The following PREP variants were observed in gnomAD, a reference collection of about 807,000 sequenced individuals.
The protein encoded by PREP is prolyl endopeptidase.
A neutral mutation model predicts 87.6 loss-of-function variants in PREP; 29 were observed. The ratio of observed to expected loss-of-function variants is 0.33; its 90% CI spans 0.25 to 0.45. The LOEUF is 0.45. Ranked by LOEUF, PREP falls within the 20% of genes least tolerant of loss-of-function variation. The probability of loss-of-function intolerance (pLI) is 1.00; values close to 1 mark genes in which losing one functional copy is unlikely to be tolerated. For synonymous variants in PREP, 337 were observed against 328.6 expected, an observed-to-expected ratio of 1.03 and a Z score of -0.28; for missense variants, 695 against 886.5, an observed-to-expected ratio of 0.78 and a Z score of 2.74.
intron 2 of PREP, 51 bp downstream of exon 2, chr6:105,397,802 T>C: frequency 7.3e-7 from 1 of 1,364,700 alleles, no homozygotes; most frequent in Non-Finnish European, 1.0e-6. Flanking sequence ...ACATTTAGAG[T>C]TTGGTGCTAG....
At chr6:105,315,991 C>T (rs1262608464) in intron 10 of PREP, among the ~76,000 whole-genome samples, 2 of 152,210 alleles carry the variant, frequency 1.3e-5, no homozygotes, top group African/African-American at 4.8e-5. Context: ...CAAACTTTCT[C>T]CATATCAGCA....
chr6:105,365,425 A>C (rs1190908985), intron 6 of PREP, among the ~76,000 whole-genome samples: 1 of 152,174 alleles, frequency 6.6e-6, no homozygotes, highest in East Asian at 1.9e-4. Flanking sequence ...GAAGGGCACA[A>C]GAAATTCCCA....
At chr6:105,378,025 A>G (rs1772733782) in intron 2 of PREP, among the ~76,000 whole-genome samples, 1 of 152,254 alleles carries the variant, frequency 6.6e-6, no homozygotes. Flanking sequence ...GCACCTGGCC[A>G]TCCCAAGAGA....
Position 105,278,477 on chromosome 6 carries a change from CAGT to C in PREP, c.1839-42_1839-40del. 1 of 1,573,720 alleles carries C rather than the reference CAGT, an allele frequency of 6.4e-7. No individual in the cohort carries two copies. Among genetic ancestry groups the C allele is most frequent in the South Asian group, 1.2e-5 (1 of 85,738 alleles). ...ACACCTTTGTGAGGCTGGAGAGCAACAGTAGAGTTTTATGGCACAGGGACCTAG... is the reference window on the plus strand; with the variant it reads ...ACACCTTTGTGAGGCTGGAGAGCAACAGAGTTTTATGGCACAGGGACCTAG... On this transcript the variant is annotated intron_variant, in intron 14 of 14. Coordinates refer to ENST00000652536, the MANE Select transcript of PREP (RefSeq NM_002726.5). This position sits in a 1 kb window ranked among gnomAD's most constrained non-coding sequence, Gnocchi z 4.2.
chr6:105,357,497 A>T lies in PREP; in HGVS notation c.718-4420T>A, dbSNP rs1367730929. Among the ~76,000 whole-genome samples the T allele has an allele frequency of 2.0e-5, 3 of 152,240 alleles. 1 individual carries two copies. In the South Asian group the frequency reaches 6.2e-4, roughly 31 times the overall value. The stretch of plus-strand genomic sequence containing the variant: ...AACGCCAATTAAGTCAGTCCTCTTC[A>T]TTATAATTCTCTTCATCACAATCTG... On this transcript the variant is annotated intron_variant, in intron 6 of 14. Transcript: ENST00000652536.
intron 8 of PREP, among the ~76,000 whole-genome samples, chr6:105,332,091 C>A (rs560151757): frequency 3.3e-5 from 5 of 152,302 alleles, no homozygotes; most frequent in African/African-American, 1.2e-4. Flanking sequence ...TCCTGTCCAA[C>A]AGAACTGCCT....
At chr6:105,392,224 C>A (rs569406129) in intron 2 of PREP, among the ~76,000 whole-genome samples, 2 of 151,852 alleles carry the variant, frequency 1.3e-5, no homozygotes, top group Non-Finnish European at 2.9e-5. Context: ...ATTTTTAGTA[C>A]AGATGGGGTT....
intron 10 of PREP, among the ~76,000 whole-genome samples, chr6:105,305,766 C>A (rs969838112): frequency 2.6e-5 from 4 of 152,140 alleles, no homozygotes; most frequent in African/African-American, 9.7e-5. Flanking sequence ...CCAGCATTAT[C>A]ATCATAGACA....
At chr6:105,300,477 T>G (rs11963142) in intron 10 of PREP, among the ~76,000 whole-genome samples, 7 of 152,198 alleles carry the variant, frequency 4.6e-5, no homozygotes, top group African/African-American at 1.7e-4. Flanking sequence ...AAAAAAATGC[T>G]TGAGCAAATC....
chr6:105,300,345 T>C (rs1170789949), intron 10 of PREP, among the ~76,000 whole-genome samples: 1 of 152,222 alleles, frequency 6.6e-6, no homozygotes, highest in East Asian at 1.9e-4. Context: ...TGTTACCATC[T>C]TGAAGACAGA....
In PREP at chr6:105,273,476, G is replaced by A. The variant is rs1275753798; in HGVS notation, c.*4668C>T. The A allele has an allele frequency of 6.6e-6, 1 of 152,072 alleles. No homozygotes were observed. Among genetic ancestry groups the A allele is most frequent in the Non-Finnish European group, 1.5e-5 (1 of 68,006 alleles). The allele number at this position is 152,072 out of a possible 1,614,324, so 9.4% of individuals were successfully genotyped here. On this transcript the variant is annotated 3_prime_UTR_variant, in exon 15 of 15. Coordinates refer to ENST00000652536, the MANE Select transcript of PREP (RefSeq NM_002726.5). ...ATCTACATTCTATCTTTATAGAACT[G>A]CCTTTTCAGGATATTTCACTTAATC...
intron 2 of PREP, among the ~76,000 whole-genome samples, chr6:105,394,862 A>G (rs1773249195): frequency 6.6e-6 from 1 of 152,238 alleles, no homozygotes; most frequent in Admixed American, 6.5e-5. Flanking sequence ...CAAATACCTG[A>G]GAATGGAGAA....
At chr6:105,359,630 T>A (rs1236872118) in intron 6 of PREP, among the ~76,000 whole-genome samples, 2 of 152,186 alleles carry the variant, frequency 1.3e-5, no homozygotes. Flanking sequence ...ATCTCCCAGC[T>A]GATGGGTGTT....
chr6:105,284,356 G>A (rs1424698926), intron 12 of PREP, among the ~76,000 whole-genome samples: 1 of 152,058 alleles, frequency 6.6e-6, no homozygotes, highest in Non-Finnish European at 1.5e-5. Context: ...AGCCTTTCCT[G>A]CATATGGTAC....
chr6:105,337,541 A>G (rs1213786737), intron 7 of PREP, among the ~76,000 whole-genome samples: 1 of 152,090 alleles, frequency 6.6e-6, no homozygotes, highest in Non-Finnish European at 1.5e-5. Context: ...TCCACTGGCA[A>G]GTTTATTTTT....
intron 10 of PREP, among the ~76,000 whole-genome samples, chr6:105,314,112 T>A (rs1214480557): frequency 1.3e-5 from 2 of 152,312 alleles, no homozygotes; most frequent in African/African-American, 4.8e-5. Flanking sequence ...GCAATAGCAT[T>A]ATGTCTTAAA....
At chr6:105,370,170 T>C (rs1019039327) in intron 5 of PREP, among the ~76,000 whole-genome samples, 5 of 151,468 alleles carry the variant, frequency 3.3e-5, no homozygotes, top group African/African-American at 4.9e-5. Context: ...AAGAATTGCT[T>C]GAACCCGGGA....
chr6:105,284,333 G>C (rs1174852944), intron 12 of PREP, among the ~76,000 whole-genome samples: 1 of 152,062 alleles, frequency 6.6e-6, no homozygotes, highest in East Asian at 1.9e-4. Context: ...TGGATGCCCG[G>C]GGGTCATTTC....
At chr6:105,351,752 C>T (rs187208410) in intron 7 of PREP, among the ~76,000 whole-genome samples, 158 of 152,350 alleles carry the variant, frequency 1.0e-3, no homozygotes, top group Non-Finnish European at 2.0e-3. Context: ...AAGACCTATG[C>T]TTGCAACTCA....
Sources: gnomAD v4.1 joint callset for allele counts (sites outside exome capture counted in the v4.1 genomes callset) on GRCh38, gnomAD v4.1.1 for gene constraint, Gnocchi (gnomAD v3.1) non-coding constraint, MANE v1.5 for transcripts, NCBI Gene and HGNC (gene_info 2026-07-23, HGNC 2026-07-21) for gene names.